The following NTM variants were observed in gnomAD, a reference collection of about 807,000 sequenced individuals.
The protein encoded by NTM is IgLON family member 2.
Under a neutral mutation model 42.1 loss-of-function variants are expected in NTM, and 13 were observed. The ratio of observed to expected loss-of-function variants is 0.31; its 90% CI spans 0.20 to 0.49. NTM has a LOEUF of 0.49. NTM is among the 20% of genes least tolerant of loss of function. The probability of loss-of-function intolerance (pLI) is 0.99; values close to 1 mark genes in which losing one functional copy is unlikely to be tolerated. For missense variants in NTM, 373 were observed against 452.8 expected, an observed-to-expected ratio of 0.82 and a Z score of 1.60; for synonymous variants, 187 against 179.2, an observed-to-expected ratio of 1.04 and a Z score of -0.35.
At chr11:132,082,048 T>C (rs1481472610) in intron 2 of NTM, among the ~76,000 whole-genome samples, 1 of 139,612 alleles carries the variant, frequency 7.2e-6, no homozygotes, top group Non-Finnish European at 1.5e-5. Flanking sequence ...CATGGAAAAA[T>C]GGAATTAAAA....
intron 1 of NTM, among the ~76,000 whole-genome samples, chr11:131,626,140 T>A (rs1021993075): frequency 6.6e-6 from 1 of 152,122 alleles, no homozygotes; most frequent in Non-Finnish European, 1.5e-5. Context: ...ACTTTATAGA[T>A]GTTGAAATTA....
chr11:131,436,357 G>T (rs947212191), intron 1 of NTM, among the ~76,000 whole-genome samples: 5 of 152,166 alleles, frequency 3.3e-5, no homozygotes, highest in African/African-American at 1.2e-4. Context: ...CAGAAGGAAT[G>T]GTACCAGCTC....
intron 2 of NTM, among the ~76,000 whole-genome samples, chr11:131,967,686 A>C (rs1490542290): frequency 6.6e-6 from 1 of 152,164 alleles, no homozygotes; most frequent in Non-Finnish European, 1.5e-5. Context: ...CCTGAAACGA[A>C]GGTTTTTGTG....
At chr11:132,063,491 A>C (rs80173267) in intron 2 of NTM, among the ~76,000 whole-genome samples, 20,392 of 152,206 alleles carry the variant, frequency 0.13, 1,445 homozygotes, top group South Asian at 0.19. Context: ...AATATAGATA[A>C]GGAATAATCA....
At chr11:131,420,864 T>A (rs1947434603) in intron 1 of NTM, among the ~76,000 whole-genome samples, 1 of 152,200 alleles carries the variant, frequency 6.6e-6, no homozygotes, top group Non-Finnish European at 1.5e-5. Context: ...AACCAGCATT[T>A]GTTGGCAAAT....
At chr11:131,814,617 T>G (rs2092873254) in intron 1 of NTM, among the ~76,000 whole-genome samples, 3 of 151,966 alleles carry the variant, frequency 2.0e-5, no homozygotes, top group African/African-American at 2.4e-5. Context: ...TGTCCGTTGG[T>G]AATCAATGCA....
At chr11:131,384,413 C>T (rs1943060878) in intron 1 of NTM, among the ~76,000 whole-genome samples, 1 of 152,152 alleles carries the variant, frequency 6.6e-6, no homozygotes, top group African/African-American at 2.4e-5. Flanking sequence ...TCTAAAGGAT[C>T]AAGGGAGATT....
At chr11:131,684,611 A>G (rs914669648) in intron 1 of NTM, among the ~76,000 whole-genome samples, 1 of 152,208 alleles carries the variant, frequency 6.6e-6, no homozygotes, top group Non-Finnish European at 1.5e-5. Flanking sequence ...CTGCAGGTGG[A>G]CATTTGGCCC....
chr11:131,563,785 C>G lies in NTM; in HGVS notation c.82+192897C>G, dbSNP rs922185598. On this transcript the variant is annotated intron_variant, in intron 1 of 8. Coordinates refer to ENST00000683400, the MANE Select transcript of NTM (RefSeq NM_001352005.2). ...GCTTTTTATGGTGATAAAAATAGTG[C>G]AAGGCATTGGTGGTCATTTTCTCCT... Among the ~76,000 whole-genome samples, 70 of 152,108 alleles carry G rather than the reference C, an allele frequency of 4.6e-4. 1 individual carries two copies. The highest frequency in any genetic ancestry group is 1.6e-3 in the African/African-American group (68 of 41,502).
intron 2 of NTM, among the ~76,000 whole-genome samples, chr11:132,134,749 ATATATATATATC>A (rs2067523954): frequency 9.4e-6 from 1 of 106,934 alleles, no homozygotes; most frequent in Non-Finnish European, 1.9e-5. Context: ...ATATATATAT[ATATATATATATC>A]TCACATTTTC....
chr11:131,553,150 G>A (rs2054934162), intron 1 of NTM, among the ~76,000 whole-genome samples: 1 of 152,126 alleles, frequency 6.6e-6, no homozygotes, highest in East Asian at 1.9e-4. Context: ...TAAGGAAGGG[G>A]AATGTTTGAT....
intron 3 of NTM, among the ~76,000 whole-genome samples, chr11:132,201,860 C>G (rs1270125231): frequency 6.6e-6 from 1 of 152,176 alleles, no homozygotes; most frequent in Non-Finnish European, 1.5e-5. Context: ...AGAACAGCCA[C>G]TTTCTAGCTC....
chr11:132,251,763 C>A (rs899071869), intron 4 of NTM, among the ~76,000 whole-genome samples: 2 of 152,140 alleles, frequency 1.3e-5, no homozygotes, highest in Non-Finnish European at 2.9e-5. Context: ...CTCAGTGGTA[C>A]GTATGAATGT....
chr11:132,272,535 C>G (rs1218055023), intron 4 of NTM, among the ~76,000 whole-genome samples: 1 of 152,040 alleles, frequency 6.6e-6, no homozygotes, highest in Non-Finnish European at 1.5e-5. Flanking sequence ...TTATTTAGAT[C>G]TTCTTTAATG....
chr11:132,310,850 A>G (rs762474931), intron 6 of NTM, among the ~76,000 whole-genome samples: 7 of 152,294 alleles, frequency 4.6e-5, no homozygotes, highest in Admixed American at 1.3e-4. Flanking sequence ...TCCAGGCTTT[A>G]TCAAATGACA....
chr11:131,962,255 G>C (rs991809027), intron 2 of NTM, among the ~76,000 whole-genome samples: 1 of 152,186 alleles, frequency 6.6e-6, no homozygotes, highest in African/African-American at 2.4e-5. Context: ...GAAGGATCAA[G>C]GGGTGTGAAG....
chr11:131,494,986 A>G (rs911210241), intron 1 of NTM, among the ~76,000 whole-genome samples: 2 of 152,252 alleles, frequency 1.3e-5, no homozygotes, highest in African/African-American at 4.8e-5. Flanking sequence ...CCTTAATTGC[A>G]TAATTCAACA....
intron 1 of NTM, among the ~76,000 whole-genome samples, chr11:131,424,873 TTTTTTTTA>T (rs1947957033): frequency 6.8e-6 from 1 of 146,768 alleles, no homozygotes. Flanking sequence ...CCAGCTTTTT[TTTTTTTTA>T]TTTTTTTATT....
chr11:131,906,826 C>T (rs771380427), intron 1 of NTM, among the ~76,000 whole-genome samples: 16 of 152,134 alleles, frequency 1.1e-4, no homozygotes, highest in Non-Finnish European at 1.8e-4. Context: ...CTCCCTGGAG[C>T]CCTCTTCCCC....
Sources: gnomAD v4.1 joint callset for allele counts (sites outside exome capture counted in the v4.1 genomes callset) on GRCh38, gnomAD v4.1.1 for gene constraint, MANE v1.5 for transcripts, NCBI Gene and HGNC (gene_info 2026-07-23, HGNC 2026-07-21) for gene names.